The following TBX5 variants were observed in gnomAD, a reference collection of about 807,000 sequenced individuals.
TBX5 encodes the protein T-box transcription factor TBX5.
A neutral mutation model predicts 51.1 loss-of-function variants in TBX5; 8 were observed. The ratio of observed to expected loss-of-function variants is 0.16; its 90% CI spans 0.09 to 0.28. The LOEUF is 0.28. TBX5 is among the 10% of genes least tolerant of loss of function. The probability of loss-of-function intolerance (pLI) is 1.00; values close to 1 mark genes in which losing one functional copy is unlikely to be tolerated. For missense variants in TBX5, 589 were observed against 671.7 expected (o/e 0.88, Z 1.36); for synonymous variants, 302 against 266.4 (o/e 1.13, Z -1.30).
chr12:114,378,287 G>A (rs1870307277), intron 7 of TBX5, among the ~76,000 whole-genome samples: 1 of 152,192 alleles, frequency 6.6e-6, no homozygotes, highest in South Asian at 2.1e-4. Flanking sequence ...GCTATTGCTT[G>A]TTCATATTCT....
intron 8 of TBX5, among the ~76,000 whole-genome samples, chr12:114,357,719 G>A (rs1406527181): frequency 6.6e-6 from 1 of 152,178 alleles, no homozygotes; most frequent in Non-Finnish European, 1.5e-5. Context: ...ATCTACCAAA[G>A]TATAAACCTC....
intron 6 of TBX5, among the ~76,000 whole-genome samples, chr12:114,391,721 C>T (rs1161400477): frequency 1.3e-5 from 2 of 152,202 alleles, no homozygotes; most frequent in Non-Finnish European, 2.9e-5. Context: ...TCAGAAGTCT[C>T]AACACCCAGT....
intron 5 of TBX5, among the ~76,000 whole-genome samples, chr12:114,397,062 C>T (rs895557185): frequency 1.3e-5 from 2 of 152,178 alleles, no homozygotes; most frequent in Non-Finnish European, 2.9e-5. Context: ...CTCTTCCCAT[C>T]CCAGATCCTG....
chr12:114,399,414 T>A lies in TBX5; in HGVS notation c.362+99A>T, dbSNP rs143233273. ...GACGCCTTTAGCACACAGTAGGAAC[T>A]AAAAAAAAAAAAAAAGTTCACTGAT... On this transcript the variant is annotated intron_variant, in intron 4 of 8. Coordinates refer to ENST00000405440, the MANE Select transcript of TBX5 (RefSeq NM_181486.4). 221 of 1,405,546 alleles carry A rather than the reference T, an allele frequency of 1.6e-4. No individual in the cohort carries two copies. The African/African-American group carries it at 2.9e-3, about 19-fold the overall frequency. The allele number at this position is 1,405,546 out of a possible 1,614,324, so 87.1% of individuals were successfully genotyped here.
intron 6 of TBX5, among the ~76,000 whole-genome samples, chr12:114,391,776 T>C (rs1393683010): frequency 1.3e-5 from 2 of 152,170 alleles, no homozygotes; most frequent in African/African-American, 4.8e-5. Context: ...ACAAATCACA[T>C]GCAACCCTGG....
At chr12:114,397,767 G>T (rs977083967) in intron 5 of TBX5, among the ~76,000 whole-genome samples, 1 of 151,814 alleles carries the variant, frequency 6.6e-6, no homozygotes, top group African/African-American at 2.4e-5. Flanking sequence ...AAGGGAGAAA[G>T]CTGGTTGTTG....
chr12:114,391,087 G>A (rs1457895086), intron 6 of TBX5, among the ~76,000 whole-genome samples: 1 of 152,170 alleles, frequency 6.6e-6, no homozygotes, highest in Non-Finnish European at 1.5e-5. Flanking sequence ...TCCAAATAGA[G>A]ACAGATCATT....
chr12:114,363,807 A>G (rs1869368389), intron 8 of TBX5, among the ~76,000 whole-genome samples: 1 of 152,248 alleles, frequency 6.6e-6, no homozygotes, highest in South Asian at 2.1e-4. Flanking sequence ...AAAAAGCTTG[A>G]TCTGGGACTT....
At chr12:114,382,054 G>A (rs1159371603) in intron 7 of TBX5, among the ~76,000 whole-genome samples, 1 of 152,204 alleles carries the variant, frequency 6.6e-6, no homozygotes, top group Non-Finnish European at 1.5e-5. Context: ...TTGACAGATG[G>A]TTAGGACAGC....
rs552399816 is a variant in TBX5, at chr12:114,399,349, T to C, written c.362+164A>G. Among the ~76,000 whole-genome samples the C allele has an allele frequency of 1.9e-4, 29 of 152,038 alleles. 1 individual carries two copies. The highest frequency in any genetic ancestry group is 1.6e-3 in the Admixed American group (25 of 15,276). Reference sequence around the variant, plus strand: ...GGAGCTAATTGTTGTAGTTTCTTTGTCTGAGAATGGTTAGTAAAAAGCAAT... The same window carrying C: ...GGAGCTAATTGTTGTAGTTTCTTTGCCTGAGAATGGTTAGTAAAAAGCAAT... On this transcript the variant is annotated intron_variant, in intron 4 of 8. Coordinates refer to ENST00000405440, the MANE Select transcript of TBX5 (RefSeq NM_181486.4).
intron 5 of TBX5, among the ~76,000 whole-genome samples, chr12:114,398,230 G>T (rs1333603183): frequency 6.6e-6 from 1 of 152,222 alleles, no homozygotes. Flanking sequence ...GATCTGGGGA[G>T]TGTGGATCAC....
chr12:114,371,465 C>T (rs564582308), intron 7 of TBX5, among the ~76,000 whole-genome samples: 4 of 152,148 alleles, frequency 2.6e-5, no homozygotes, highest in Non-Finnish European at 5.9e-5. Context: ...CACGGCCAAA[C>T]TGCATCCTCA....
chr12:114,370,307 G>T (rs1046693912), intron 7 of TBX5, among the ~76,000 whole-genome samples: 1 of 140,362 alleles, frequency 7.1e-6, no homozygotes, highest in Admixed American at 7.1e-5. Context: ...GAAAAGAAAA[G>T]AAAAGAAAGA....
At chr12:114,399,839 G>A (rs548237118) in intron 3 of TBX5, among the ~76,000 whole-genome samples, 7 of 152,258 alleles carry the variant, frequency 4.6e-5, no homozygotes, top group Admixed American at 1.3e-4. Context: ...AACAGCAGGC[G>A]GGCAACTGTA....
intron 8 of TBX5, 177 bp downstream of exon 8, chr12:114,365,988 G>C: frequency 1.3e-6 from 1 of 759,430 alleles, no homozygotes; most frequent in Non-Finnish European, 2.3e-6. Flanking sequence ...AACATGTCAA[G>C]GGAACTTTTT....
intron 5 of TBX5, among the ~76,000 whole-genome samples, chr12:114,397,937 G>A (rs1467898132): frequency 6.6e-6 from 1 of 152,200 alleles, no homozygotes; most frequent in Non-Finnish European, 1.5e-5. Flanking sequence ...TTGAGAAGTG[G>A]GGAGGGAAGG....
chr12:114,365,805 G>A (rs1386447960), intron 8 of TBX5, among the ~76,000 whole-genome samples: 6 of 149,094 alleles, frequency 4.0e-5, no homozygotes, highest in Admixed American at 4.0e-4. Flanking sequence ...ACTCCAGCCT[G>A]GGTGATAGAG....
rs764799644 is a variant in TBX5, at chr12:114,355,454, C to A, written c.*78G>T. The stretch of plus-strand genomic sequence containing the variant: ...CTTGTCCGTGGGGTTCTCTTGGCTA[C>A]TGTCTCTCTCCTTCTCTCTCTTTCT... On this transcript the variant is annotated 3_prime_UTR_variant, in exon 9 of 9. Transcript: ENST00000405440. 2 of 1,554,848 alleles carry A rather than the reference C, an allele frequency of 1.3e-6. No individual in the cohort carries two copies.
At position 114,355,170 on chromosome 12, in the gene TBX5, G is replaced by A. The variant is rs1280308394; in HGVS notation, c.*362C>T. 8.1e-6 allele frequency: 3 copies of A among 372,292 alleles called. No individual in the cohort carries two copies. The highest frequency in any genetic ancestry group is 1.0e-5 in the Non-Finnish European group (2 of 192,686). The allele number at this position is 372,292 out of a possible 1,614,324, so 23.1% of individuals were successfully genotyped here. A position where few individuals can be genotyped will look rare whatever the true frequency, so the allele number is the denominator to read the frequency against. On this transcript the variant is annotated 3_prime_UTR_variant, in exon 9 of 9. Transcript: ENST00000405440. ...GGGACAGACTCCAACTACGCACTAG[G>A]GAAAAACACTCAATGAGGCAAGACT...
Sources: gnomAD v4.1 joint callset for allele counts (sites outside exome capture counted in the v4.1 genomes callset) on GRCh38, gnomAD v4.1.1 for gene constraint, MANE v1.5 for transcripts, NCBI Gene and HGNC (gene_info 2026-07-23, HGNC 2026-07-21) for gene names.